KCNH7: variants seen among roughly 807,000 people sequenced by gnomAD.
KCNH7 encodes the protein voltage-gated inwardly rectifying potassium channel KCNH7.
KCNH7 carries 49 observed loss-of-function variants against 120.8 expected under a neutral mutation model. That is an observed-to-expected ratio of 0.41 (90% CI 0.32 to 0.51). KCNH7 has a LOEUF of 0.51. Ranked by LOEUF, KCNH7 falls within the 20% of genes least tolerant of loss-of-function variation. The pLI, the probability that KCNH7 is intolerant of heterozygous loss-of-function variation, is 0.38. For missense variants in KCNH7, 1,097 were observed against 1,446.6 expected (o/e 0.76, Z 3.92); for synonymous variants, 547 against 516.1 (o/e 1.06, Z -0.81).
intron 2 of KCNH7, among the ~76,000 whole-genome samples, chr2:162,826,776 C>T (rs1424072695): frequency 1.3e-5 from 2 of 152,018 alleles, no homozygotes; most frequent in Non-Finnish European, 2.9e-5. Context: ...CTTAATAAGT[C>T]CCTTCAAAAT....
At chr2:162,408,885 A>AT (rs1165458579) in intron 9 of KCNH7, among the ~76,000 whole-genome samples, 3 of 151,936 alleles carry the variant, frequency 2.0e-5, no homozygotes, top group African/African-American at 7.2e-5. Flanking sequence ...TAATTTTGTG[A>AT]TAAAAAATGA....
At chr2:162,468,174 ATG>A (rs1175882247) in intron 6 of KCNH7, among the ~76,000 whole-genome samples, 2 of 152,000 alleles carry the variant, frequency 1.3e-5, no homozygotes, top group African/African-American at 4.8e-5. Flanking sequence ...CTCCACTTTT[ATG>A]TGTTTGATAC....
rs570807616 is a variant in KCNH7 at position 162,518,215 on chromosome 2, A to G, written c.464-57T>C. 4.7e-5 allele frequency: 59 copies of G among 1,255,280 alleles called. No homozygotes were observed. In the African/African-American group the frequency reaches 8.0e-4, roughly 17 times the overall value. 77.8% of individuals were successfully genotyped at this position (1,255,280 alleles called of 1,614,324 possible). On this transcript the variant is annotated intron_variant, in intron 3 of 15. Coordinates refer to ENST00000332142, the MANE Select transcript of KCNH7 (RefSeq NM_033272.4). Reference sequence around the variant, plus strand: ...TAAGGCAAATGATATATCCTGTAACAAAAACAAACATTGTTGACTCATATT... The same window carrying G: ...TAAGGCAAATGATATATCCTGTAACGAAAACAAACATTGTTGACTCATATT...
chr2:162,572,780 A>T (rs1693528308), intron 2 of KCNH7, among the ~76,000 whole-genome samples: 1 of 144,826 alleles, frequency 6.9e-6, no homozygotes, highest in Admixed American at 7.1e-5. Flanking sequence ...CATCATTCTC[A>T]GTAAACTACC....
intron 2 of KCNH7, among the ~76,000 whole-genome samples, chr2:162,683,185 A>G (rs1685773990): frequency 6.6e-6 from 1 of 151,868 alleles, no homozygotes; most frequent in Non-Finnish European, 1.5e-5. Context: ...TTGCTTAGAG[A>G]CACATTATAT....
chr2:162,792,413 T>A (rs1683980524), intron 2 of KCNH7, among the ~76,000 whole-genome samples: 1 of 152,052 alleles, frequency 6.6e-6, no homozygotes, highest in African/African-American at 2.4e-5. Flanking sequence ...CATCTGGCCC[T>A]GGCTTTTTTT....
intron 6 of KCNH7, among the ~76,000 whole-genome samples, chr2:162,476,512 G>T (rs900213323): frequency 1.3e-5 from 2 of 151,948 alleles, no homozygotes; most frequent in Non-Finnish European, 2.9e-5. Flanking sequence ...TTAAAATAAA[G>T]GTTATGAATC....
At chr2:162,546,229 C>T (rs569432429) in intron 2 of KCNH7, among the ~76,000 whole-genome samples, 4 of 152,032 alleles carry the variant, frequency 2.6e-5, no homozygotes, top group South Asian at 4.2e-4. Flanking sequence ...GGCCGATTTG[C>T]GGTGCTGCAC....
At chr2:162,473,030 T>C (rs1019284583) in intron 6 of KCNH7, among the ~76,000 whole-genome samples, 40 of 151,572 alleles carry the variant, frequency 2.6e-4, no homozygotes, top group African/African-American at 9.0e-4. Context: ...ATGAGAACAC[T>C]TGGACACAGG....
At chr2:162,499,858 A>G (rs1690617428) in intron 6 of KCNH7, among the ~76,000 whole-genome samples, 2 of 152,020 alleles carry the variant, frequency 1.3e-5, no homozygotes, top group Admixed American at 1.3e-4. Context: ...TTTATTCCTT[A>G]TTTTGGAAAC....
intron 9 of KCNH7, 49 bp from the exon 10 acceptor site, chr2:162,400,490 C>G (rs1427283498): frequency 6.3e-7 from 1 of 1,589,442 alleles, no homozygotes; most frequent in Admixed American, 1.7e-5. Flanking sequence ...CTGGGTATCT[C>G]TGCCTGAAAT....
chr2:162,548,008 A>G (rs1437881437), intron 2 of KCNH7, among the ~76,000 whole-genome samples: 1 of 152,008 alleles, frequency 6.6e-6, no homozygotes, highest in Non-Finnish European at 1.5e-5. Context: ...AAGTAAAGGT[A>G]TTTTTTTCCC....
Position 162,658,094 on chromosome 2 carries a change from G to C in KCNH7, c.308-121014C>G, listed in dbSNP as rs773369731. On this transcript the variant is annotated intron_variant, in intron 2 of 15. Transcript: ENST00000332142. ...CACCCTCATTCCTTCTGCCATGGGA[G>C]CACACAAGAAGAAGACGGCCAACTA... is the stretch of plus-strand genomic sequence containing the variant. Among the ~76,000 whole-genome samples, 95 of 151,370 alleles carry C rather than the reference G, an allele frequency of 6.3e-4. 2 individuals carry two copies. The highest frequency in any genetic ancestry group is 2.2e-4 in the Non-Finnish European group (15 of 67,910).
chr2:162,471,433 C>T (rs1323023802), intron 6 of KCNH7, among the ~76,000 whole-genome samples: 1 of 152,008 alleles, frequency 6.6e-6, no homozygotes, highest in East Asian at 1.9e-4. Flanking sequence ...TGTGTGTATA[C>T]ACGTGTTTGA....
rs78017498 is a variant in KCNH7, at chr2:162,404,462, G to A, written c.2155-4021C>T. Reference sequence around the variant, plus strand: ...TTGAAATATTACCCATAATGTCAGAGACGAAGCCTGATGTGAGGTGTTTGG... The same window carrying A: ...TTGAAATATTACCCATAATGTCAGAAACGAAGCCTGATGTGAGGTGTTTGG... On this transcript the variant is annotated intron_variant, in intron 9 of 15. Transcript: ENST00000332142. 8.1e-3 allele frequency among the ~76,000 whole-genome samples: 1,232 copies of A among 152,054 alleles called. 20 individuals carry two copies. The highest frequency in any genetic ancestry group is 0.028 in the African/African-American group (1,176 of 41,502).
intron 2 of KCNH7, among the ~76,000 whole-genome samples, chr2:162,540,428 C>A (rs1209247999): frequency 6.6e-6 from 1 of 151,950 alleles, no homozygotes; most frequent in Non-Finnish European, 1.5e-5. Context: ...TCAAGGTAAT[C>A]TGAATAATTA....
At chr2:162,583,309 T>C (rs568760901) in intron 2 of KCNH7, among the ~76,000 whole-genome samples, 2 of 152,054 alleles carry the variant, frequency 1.3e-5, no homozygotes, top group Non-Finnish European at 2.9e-5. Context: ...GAGGAAAATT[T>C]AGACATACTT....
At chr2:162,625,744 T>C (rs1391593702) in intron 2 of KCNH7, among the ~76,000 whole-genome samples, 1 of 152,124 alleles carries the variant, frequency 6.6e-6, no homozygotes, top group Non-Finnish European at 1.5e-5. Flanking sequence ...GATTACATTG[T>C]ATAATTTACA....
rs140834848 is a variant in KCNH7 at position 162,797,836 on chromosome 2, A to G, written c.307+38701T>C. 4.2e-4 allele frequency: 64 copies of G among 152,238 alleles called. 1 individual carries two copies. The highest frequency in any genetic ancestry group is 1.5e-3 in the African/African-American group (61 of 41,564). The allele number at this position is 152,238 out of a possible 1,614,324, so 9.4% of individuals were successfully genotyped here. On this transcript the variant is annotated intron_variant, in intron 2 of 15. Transcript: ENST00000332142. ...TACAAGCCAAGCCATATACCTGGCA[A>G]TTCAGCAAAGTTCAGAGAAATATGG... is the stretch of plus-strand genomic sequence containing the variant.
Sources: gnomAD v4.1 joint callset for allele counts (sites outside exome capture counted in the v4.1 genomes callset) on GRCh38, gnomAD v4.1.1 for gene constraint, MANE v1.5 for transcripts, NCBI Gene and HGNC (gene_info 2026-07-23, HGNC 2026-07-21) for gene names.